Variants in CENPP observed in about 807,000 individuals in gnomAD.
The protein encoded by CENPP is centromere protein P.
A neutral mutation model predicts 35.6 loss-of-function variants in CENPP; 24 were observed. That is an observed-to-expected ratio of 0.67 (90% CI 0.49 to 0.95). The LOEUF (loss-of-function observed/expected upper bound fraction) is 0.95. CENPP is among the 40% of genes least tolerant of loss of function. The pLI is 0.00. For missense variants in CENPP, 332 were observed against 345.3 expected (o/e 0.96, Z 0.31); for synonymous variants, 120 against 125.5 (o/e 0.96, Z 0.29).
chr9:92,414,931 A>T (rs907534689), intron 5 of CENPP: 10 of 344,932 alleles, frequency 2.9e-5, no homozygotes, highest in African/African-American at 1.7e-4. Flanking sequence ...TATGATTCCC[A>T]CTTGTCATTC....
At chr9:92,570,304 T>C (rs1457336088) in intron 5 of CENPP, among the ~76,000 whole-genome samples, 1 of 152,206 alleles carries the variant, frequency 6.6e-6, no homozygotes. Flanking sequence ...TTGAATTTTG[T>C]TGAAGGCCTT....
intron 3 of CENPP, among the ~76,000 whole-genome samples, chr9:92,344,255 A>G (rs943586863): frequency 4.6e-5 from 7 of 152,208 alleles, no homozygotes; most frequent in African/African-American, 1.7e-4. Flanking sequence ...TGAGTTGTTA[A>G]ACAGGATTCT....
intron 5 of CENPP, chr9:92,509,940 T>C (rs922838347): frequency 2.5e-6 from 4 of 1,608,822 alleles, no homozygotes; most frequent in East Asian, 2.2e-5. Context: ...ATTGTTCTCA[T>C]TGACTTTAAG....
chr9:92,599,430 T>C (rs1365392076), intron 5 of CENPP, among the ~76,000 whole-genome samples: 1 of 152,114 alleles, frequency 6.6e-6, no homozygotes, highest in Non-Finnish European at 1.5e-5. Context: ...TTTTTGTTTT[T>C]GTTTGAGACA....
At chr9:92,519,752 T>G (rs945970166) in intron 5 of CENPP, among the ~76,000 whole-genome samples, 14 of 152,202 alleles carry the variant, frequency 9.2e-5, no homozygotes, top group African/African-American at 3.1e-4. Context: ...GGGAAAATCT[T>G]TATGACCTCA....
chr9:92,487,873 T>A lies in CENPP; in HGVS notation c.564+108014T>A, dbSNP rs80172155. 1.3e-5 allele frequency among the ~76,000 whole-genome samples: 2 copies of A among 152,192 alleles called. 1 individual carries two copies. Among genetic ancestry groups the A allele is most frequent in the East Asian group, 3.9e-4 (2 of 5,194 alleles). Reference sequence around the variant, plus strand: ...ACATATAAAACCATTAAGTGAAAGTTTGCTCGATAGCAAGAAACTGTACTT... The same window carrying A: ...ACATATAAAACCATTAAGTGAAAGTATGCTCGATAGCAAGAAACTGTACTT... On this transcript the variant is annotated intron_variant, in intron 5 of 7. Coordinates refer to ENST00000375587, the MANE Select transcript of CENPP (RefSeq NM_001012267.3).
intron 5 of CENPP, chr9:92,403,804 T>C (rs1055473983): frequency 4.7e-5 from 21 of 442,360 alleles, no homozygotes; most frequent in South Asian, 9.8e-5. Flanking sequence ...CAAGATCCTG[T>C]CTCATGTGAG....
At chr9:92,381,506 A>G (rs899375375) in intron 5 of CENPP, among the ~76,000 whole-genome samples, 1 of 152,058 alleles carries the variant, frequency 6.6e-6, no homozygotes, top group African/African-American at 2.4e-5. Flanking sequence ...CTGGTCTTGA[A>G]CTACTGGGCT....
intron 5 of CENPP, among the ~76,000 whole-genome samples, chr9:92,432,859 G>C (rs555652898): frequency 6.6e-6 from 1 of 152,228 alleles, no homozygotes; most frequent in East Asian, 1.9e-4. Context: ...TTGTTGTTGA[G>C]GAGGTGCATA....
chr9:92,592,756 C>G (rs989886149), intron 5 of CENPP, among the ~76,000 whole-genome samples: 1 of 152,190 alleles, frequency 6.6e-6, no homozygotes, highest in Non-Finnish European at 1.5e-5. Context: ...ATTTGCTCAC[C>G]TGTTTCAACA....
chr9:92,601,985 G>C (rs1321723997), intron 5 of CENPP, among the ~76,000 whole-genome samples: 4 of 152,200 alleles, frequency 2.6e-5, no homozygotes, highest in African/African-American at 9.7e-5. Context: ...AACGAGCCCA[G>C]GTCCTGGTTT....
chr9:92,458,619 T>C (rs1350407782), intron 5 of CENPP, among the ~76,000 whole-genome samples: 2 of 152,220 alleles, frequency 1.3e-5, no homozygotes, highest in African/African-American at 4.8e-5. Context: ...CTGTTTGTGT[T>C]ATAATTCTAT....
At chr9:92,372,981 A>G (rs1035290530) in intron 4 of CENPP, among the ~76,000 whole-genome samples, 20 of 152,122 alleles carry the variant, frequency 1.3e-4, no homozygotes, top group African/African-American at 4.6e-4. Flanking sequence ...CTGAATGTCT[A>G]AATCTCTTGA....
At chr9:92,421,929 G>T (rs2130970621) in intron 5 of CENPP, among the ~76,000 whole-genome samples, 1 of 152,176 alleles carries the variant, frequency 6.6e-6, no homozygotes, top group Middle Eastern at 3.4e-3. Context: ...GACATCATTT[G>T]ACCCAGACTT....
Position 92,551,953 on chromosome 9 carries a change from GAT to G in CENPP, c.565-59352_565-59351del, listed in dbSNP as rs373483608. ...TATATATATATATATATATATATAT[GAT>G]ATATATATGTGTGATATATATGTGT... On this transcript the variant is annotated intron_variant, in intron 5 of 7. Coordinates refer to ENST00000375587, the MANE Select transcript of CENPP (RefSeq NM_001012267.3). Among the ~76,000 whole-genome samples the G allele has an allele frequency of 1.6e-4, 17 of 108,112 alleles. 1 individual carries two copies. Among genetic ancestry groups the G allele is most frequent in the East Asian group, 1.3e-3 (5 of 3,948 alleles). 70.9% of individuals were successfully genotyped at this position (108,112 alleles called of 152,430 possible).
rs140514001 is a variant in CENPP at position 92,354,490 on chromosome 9, G to C, written c.467+8703G>C. ...AGGGGTGGCTGGGGAAAGAGGCTGA[G>C]TGATGGATTATCCTATCCCTTGATT... On this transcript the variant is annotated intron_variant, in intron 4 of 7. Coordinates refer to ENST00000375587, the MANE Select transcript of CENPP (RefSeq NM_001012267.3). Among the ~76,000 whole-genome samples the C allele has an allele frequency of 2.0e-3, 300 of 152,230 alleles. 1 individual carries two copies. The highest frequency in any genetic ancestry group is 6.9e-3 in the African/African-American group (287 of 41,540).
At chr9:92,422,652 C>G (rs1321171286) in intron 5 of CENPP, among the ~76,000 whole-genome samples, 1 of 152,218 alleles carries the variant, frequency 6.6e-6, no homozygotes, top group Non-Finnish European at 1.5e-5. Flanking sequence ...ACGTTCCTAA[C>G]CATGTAGTAC....
At chr9:92,606,378 T>C (rs564493315) in intron 5 of CENPP, among the ~76,000 whole-genome samples, 49 of 152,296 alleles carry the variant, frequency 3.2e-4, no homozygotes, top group Middle Eastern at 6.8e-3. Flanking sequence ...TACCAACTCA[T>C]GGCCAAAGTG....
At chr9:92,409,302 G>A (rs1241568939) in intron 5 of CENPP, among the ~76,000 whole-genome samples, 1 of 152,164 alleles carries the variant, frequency 6.6e-6, no homozygotes, top group Non-Finnish European at 1.5e-5. Flanking sequence ...TTATTTCCAA[G>A]ATGTAGAAGA....
Sources: gnomAD v4.1 joint callset for allele counts (sites outside exome capture counted in the v4.1 genomes callset) on GRCh38, gnomAD v4.1.1 for gene constraint, MANE v1.5 for transcripts, NCBI Gene and HGNC (gene_info 2026-07-23, HGNC 2026-07-21) for gene names.